A3GALT2: variants seen among roughly 807,000 people sequenced by gnomAD.
A3GALT2 encodes the protein alpha 1,3-galactosyltransferase 2, also known as alpha-1,3-galactosyltransferase 2.
A3GALT2 carries 14 observed loss-of-function variants against 16.6 expected under a neutral mutation model. The ratio of observed to expected loss-of-function variants is 0.84; its 90% CI spans 0.56 to 1.32. A3GALT2 has a LOEUF of 1.32. Among genes scored for constraint, A3GALT2 ranks in the 40% most tolerant of loss-of-function variants. The probability of loss-of-function intolerance (pLI) is 0.00; values close to 1 mark genes in which losing one functional copy is unlikely to be tolerated. For synonymous variants in A3GALT2, 253 were observed against 218.0 expected, an observed-to-expected ratio of 1.16 and a Z score of -1.42; for missense variants, 600 against 490.9, an observed-to-expected ratio of 1.22 and a Z score of -2.10.
rs549540353 is a variant in A3GALT2, at chr1:33,307,170, T to C, written c.619A>G (p.Thr207Ala). Residue 207 changes from threonine (T) to alanine (A), a missense_variant, in exon 5 of 5, where the codon ACT becomes GCT. Physicochemically the swap from Thr to Ala is moderately conservative, Grantham distance 58. Coordinates refer to ENST00000442999, the MANE Select transcript of A3GALT2 (RefSeq NM_001080438.1). ...TCGGCCAGCGCCTCGGGCCCAAAAG[T>C]GCCGCTGAAGTGCTGGTCCACGTCC... Reference protein sequence around the residue: ...CMDVDQHFSGTFGPEALAESV... With the variant: ...CMDVDQHFSGAFGPEALAESV... The C allele has an allele frequency of 2.7e-5, 42 of 1,553,348 alleles. No homozygotes were observed. In the South Asian group the frequency reaches 4.8e-4, roughly 18 times the overall value.
rs1274734168 is a variant in A3GALT2, at chr1:33,312,863, C to T, written c.51G>A (p.Gln17=). The T allele has an allele frequency of 6.2e-7, 1 of 1,606,744 alleles. No individual in the cohort carries two copies. The highest frequency in any genetic ancestry group is 1.3e-5 in the African/African-American group (1 of 74,852). ...CTAAGAGGCCAAGTGTAAGTAGGAT[C>T]TGCCGCCAGAAGATTCTCTTCCAGG... is the stretch of plus-strand genomic sequence containing the variant. ...LRAWKRIFWR[Q]ILLTLGLLGL... is the part of the protein sequence containing the mutation. The change falls in exon 2 of 5, where the codon CAG becomes CAA. Residue 17 remains glutamine, a synonymous_variant. Transcript: ENST00000442999.
At chr1:33,308,341 C>T (rs569624000) in intron 4 of A3GALT2, among the ~76,000 whole-genome samples, 29 of 152,024 alleles carry the variant, frequency 1.9e-4, no homozygotes, top group South Asian at 6.2e-4. Context: ...CCAGCTGAGA[C>T]GCAGACATTT....
chr1:33,311,938 G>T, intron 4 of A3GALT2, 114 bp downstream of exon 4: 2 of 1,440,666 alleles, frequency 1.4e-6, no homozygotes, highest in South Asian at 1.4e-5. Context: ...TTTGCTTCTC[G>T]CTTCACTTTG....
Position 33,312,548 on chromosome 1 carries a change from G to C in A3GALT2, c.150C>G (p.Ala50=). 1 of 1,603,196 alleles carries C rather than the reference G, an allele frequency of 6.2e-7. No individual in the cohort carries two copies. Among genetic ancestry groups the C allele is most frequent in the South Asian group, 1.1e-5 (1 of 89,884 alleles). The change falls in exon 3 of 5, where the codon GCC becomes GCG. Residue 50 remains alanine (A), a synonymous_variant. Coordinates refer to ENST00000442999, the MANE Select transcript of A3GALT2 (RefSeq NM_001080438.1). The part of the protein sequence containing the change: ...ALIPMGVCPS[A]TMSQLRDNFT... The stretch of plus-strand genomic sequence containing the variant: ...AGTTGTCTCTCAGCTGGGACATTGT[G>C]GCCGAAGGGCAGACGCCCATGGGGA...
chr1:33,312,396 G>T, intron 3 of A3GALT2, 105 bp downstream of exon 3: 4 of 1,315,226 alleles, frequency 3.0e-6, no homozygotes, highest in Non-Finnish European at 4.2e-6. Context: ...GTGGCAGAGT[G>T]CCTGGCTCTG....
intron 1 of A3GALT2, among the ~76,000 whole-genome samples, chr1:33,318,062 CTA>C (rs1453336218): frequency 2.0e-5 from 3 of 152,182 alleles, no homozygotes; most frequent in Non-Finnish European, 2.9e-5. Flanking sequence ...GAAGGAATAA[CTA>C]ATACGGAGAG....
chr1:33,319,271 A>G (rs1646274910), intron 1 of A3GALT2, among the ~76,000 whole-genome samples: 2 of 152,238 alleles, frequency 1.3e-5, no homozygotes, highest in South Asian at 4.1e-4. Context: ...GCAGCTTGAG[A>G]AGCACTGAGT....
Position 33,320,264 on chromosome 1 carries a change from T to C in A3GALT2, c.23+812A>G, listed in dbSNP as rs1396584868. Among the ~76,000 whole-genome samples, 3 of 152,030 alleles carry C rather than the reference T, an allele frequency of 2.0e-5. No individual in the cohort carries two copies. Among genetic ancestry groups the C allele is most frequent in the Non-Finnish European group, 2.9e-5 (2 of 68,030 alleles). ...GCACTGTGGGAGGTGTGCGAGGTAC[T>C]GCGTAAGGTACTACAGGAGCAGGAA... On this transcript the variant is annotated intron_variant, in intron 1 of 4. Transcript: ENST00000442999. The surrounding 1 kb of genome is among the most constrained non-coding windows in gnomAD (Gnocchi z 4.3).
At chr1:33,315,844 C>G (rs974423902) in intron 1 of A3GALT2, among the ~76,000 whole-genome samples, 1 of 152,198 alleles carries the variant, frequency 6.6e-6, no homozygotes, top group Non-Finnish European at 1.5e-5. Flanking sequence ...CAGCGTCAAG[C>G]ACTGTGCTAA....
intron 1 of A3GALT2, among the ~76,000 whole-genome samples, chr1:33,316,269 G>A (rs114732646): frequency 5.9e-5 from 9 of 152,232 alleles, no homozygotes; most frequent in African/African-American, 2.2e-4. Context: ...TGTAGTAGCA[G>A]ATGAGGAGGG....
chr1:33,313,311 A>G (rs1276650172), intron 1 of A3GALT2: 1 of 150,888 alleles, frequency 6.6e-6, no homozygotes, highest in Non-Finnish European at 1.4e-5. Context: ...CCTCCTGTGT[A>G]GCTGGGACTA....
chr1:33,312,358 G>A (rs1282516698), intron 3 of A3GALT2, 143 bp downstream of exon 3: 4 of 1,276,940 alleles, frequency 3.1e-6, no homozygotes, highest in Admixed American at 2.6e-5. Context: ...ACTGGGAGAT[G>A]TGTGGCCCGA....
In A3GALT2 at chr1:33,312,536, C is replaced by T; in HGVS notation, c.162G>A (p.Gln54=). 3 of 1,604,194 alleles carry T rather than the reference C, an allele frequency of 1.9e-6. No homozygotes were observed. Among genetic ancestry groups the T allele is most frequent in the Non-Finnish European group, 2.6e-6 (3 of 1,174,738 alleles). The change falls in exon 3 of 5, where the codon CAG becomes CAA. Residue 54 remains glutamine, a synonymous_variant. Coordinates refer to ENST00000442999, the MANE Select transcript of A3GALT2 (RefSeq NM_001080438.1). ...GGGCACCTGTGAAGTTGTCTCTCAG[C>T]TGGGACATTGTGGCCGAAGGGCAGA... The part of the protein sequence containing the change: ...MGVCPSATMS[Q]LRDNFTGALR...
chr1:33,307,366 G>C lies in A3GALT2; in HGVS notation c.423C>G (p.Thr141=), dbSNP rs1312277133. The C allele has an allele frequency of 6.4e-7, 1 of 1,552,680 alleles. No homozygotes were observed. The highest frequency in any genetic ancestry group is 1.9e-5 in the Admixed American group (1 of 52,188). The change falls in exon 5 of 5, where the codon ACC becomes ACG. Residue 141 remains threonine (T), a synonymous_variant. Transcript: ENST00000442999. ...AGQSVMYYVF[T]ELPGAVPRVA... is the part of the protein sequence containing the mutation. Reference sequence around the variant, plus strand: ...CGCGGGGCACCGCTCCCGGAAGCTCGGTGAACACGTAGTACATCACGCTCT... The same window carrying C: ...CGCGGGGCACCGCTCCCGGAAGCTCCGTGAACACGTAGTACATCACGCTCT...
In A3GALT2 at chr1:33,312,148, G is replaced by A. The variant is rs1182482552; in HGVS notation, c.239C>T (p.Pro80Leu). ...EVLTCTPWGA[P>L]IIWDGSFDPD... ...GTCGAAAGAGCCATCCCAAATAATG[G>A]GAGCCCCCCAGGGGGTACAGGTCAG... is the stretch of plus-strand genomic sequence containing the variant. The change falls in exon 4 of 5, where the codon CCC becomes CTC. Residue 80 changes from proline to leucine, a missense_variant. Coordinates refer to ENST00000442999, the MANE Select transcript of A3GALT2 (RefSeq NM_001080438.1). 2 of 1,613,422 alleles carry A rather than the reference G, an allele frequency of 1.2e-6. No individual in the cohort carries two copies. The highest frequency in any genetic ancestry group is 2.2e-5 in the East Asian group (1 of 44,884).
intron 1 of A3GALT2, among the ~76,000 whole-genome samples, chr1:33,315,075 T>G (rs1338140253): frequency 6.6e-6 from 1 of 152,016 alleles, no homozygotes; most frequent in Non-Finnish European, 1.5e-5. Context: ...AGCAAGACCC[T>G]GCCTCTGCAA....
At chr1:33,315,873 A>T (rs1337536559) in intron 1 of A3GALT2, among the ~76,000 whole-genome samples, 1 of 152,184 alleles carries the variant, frequency 6.6e-6, no homozygotes, top group Non-Finnish European at 1.5e-5. Flanking sequence ...TTCAGAGGTG[A>T]ATGAGACACA....
In A3GALT2 at chr1:33,312,152, C is replaced by A; in HGVS notation, c.235G>T (p.Ala79Ser). The change falls in exon 4 of 5, where the codon GCT becomes TCT. Residue 79 changes from alanine (A) to serine (S), a missense_variant. Ala to Ser is a moderately conservative substitution (Grantham distance 99). Transcript: ENST00000442999. ...PEVLTCTPWG[A>S]PIIWDGSFDP... is the part of the protein sequence containing the mutation. ...AAAGAGCCATCCCAAATAATGGGAGCCCCCCAGGGGGTACAGGTCAGAACT... is the reference window on the plus strand; with the variant it reads ...AAAGAGCCATCCCAAATAATGGGAGACCCCCAGGGGGTACAGGTCAGAACT... The A allele has an allele frequency of 1.2e-6, 2 of 1,613,434 alleles. No individual in the cohort carries two copies. The highest frequency in any genetic ancestry group is 2.2e-5 in the South Asian group (2 of 91,022).
At chr1:33,309,636 G>T (rs575503754) in intron 4 of A3GALT2, among the ~76,000 whole-genome samples, 55 of 151,186 alleles carry the variant, frequency 3.6e-4, no homozygotes, top group South Asian at 6.3e-4. Flanking sequence ...GGTGGCGGTC[G>T]GGCAGAGACG....
Sources: gnomAD v4.1 joint callset for allele counts (sites outside exome capture counted in the v4.1 genomes callset) on GRCh38, gnomAD v4.1.1 for gene constraint, Gnocchi (gnomAD v3.1) non-coding constraint, MANE v1.5 for transcripts, NCBI Gene and HGNC (gene_info 2026-07-23, HGNC 2026-07-21) for gene names.